CSMD3: variants seen among roughly 807,000 people sequenced by gnomAD.
CSMD3 encodes CUB and Sushi multiple domains 3.
Under a neutral mutation model 435.2 loss-of-function variants are expected in CSMD3, and 177 were observed. That is an observed-to-expected ratio of 0.41 (90% CI 0.36 to 0.46). The LOEUF (loss-of-function observed/expected upper bound fraction) is 0.46, where lower values mean the gene tolerates loss of function less well. CSMD3 is among the 20% of genes least tolerant of loss of function. The pLI is 0.34. For missense variants in CSMD3, 4,265 were observed against 4,504.6 expected (o/e 0.95, Z 1.52); for synonymous variants, 1,656 against 1,520.5 (o/e 1.09, Z -2.07).
intron 4 of CSMD3, among the ~76,000 whole-genome samples, chr8:113,103,335 T>C (rs1426401851): frequency 6.6e-6 from 1 of 152,152 alleles, no homozygotes; most frequent in African/African-American, 2.4e-5. Flanking sequence ...AGGAAAAGTA[T>C]AAAGTTTGTA....
chr8:113,302,712 C>A (rs920224979), intron 2 of CSMD3, among the ~76,000 whole-genome samples: 1 of 150,244 alleles, frequency 6.7e-6, no homozygotes, highest in African/African-American at 2.5e-5. Flanking sequence ...ATTCAACAAC[C>A]CTTCATGCTA....
chr8:112,783,389 C>T (rs939854096), intron 13 of CSMD3, among the ~76,000 whole-genome samples: 34 of 127,964 alleles, frequency 2.7e-4, no homozygotes, highest in African/African-American at 7.9e-4. Context: ...AGCACATAAA[C>T]GAAGGAAGGA....
At chr8:113,387,589 C>A (rs1353763653) in intron 1 of CSMD3, among the ~76,000 whole-genome samples, 1 of 151,204 alleles carries the variant, frequency 6.6e-6, no homozygotes, top group Non-Finnish European at 1.5e-5. Flanking sequence ...TTGGAGAGGA[C>A]CTCAAAATGC....
chr8:112,917,645 T>A (rs1008551587), intron 10 of CSMD3, among the ~76,000 whole-genome samples: 1 of 151,958 alleles, frequency 6.6e-6, no homozygotes, highest in African/African-American at 2.4e-5. Flanking sequence ...GAGACTTTAA[T>A]GGGATTAATC....
chr8:113,374,933 C>T (rs1054503680), intron 1 of CSMD3, among the ~76,000 whole-genome samples: 5 of 150,618 alleles, frequency 3.3e-5, no homozygotes, highest in Admixed American at 3.3e-4. Context: ...TGGCCAAGCA[C>T]TTATCATTGT....
At chr8:112,454,793 C>G (rs1246106116) in intron 32 of CSMD3, among the ~76,000 whole-genome samples, 2 of 152,004 alleles carry the variant, frequency 1.3e-5, no homozygotes, top group African/African-American at 4.8e-5. Flanking sequence ...GAATTTGAGA[C>G]TAGCCTGGGC....
intron 1 of CSMD3, among the ~76,000 whole-genome samples, chr8:113,359,270 T>C (rs1168239343): frequency 5.9e-5 from 9 of 152,184 alleles, no homozygotes; most frequent in Admixed American, 1.3e-4. Flanking sequence ...GTCATAACTC[T>C]CAGAAGTAGT....
At chr8:113,377,034 T>A in intron 1 of CSMD3, 1 of 105,978 alleles carries the variant, frequency 9.4e-6, no homozygotes. Context: ...GGGGTGGGGG[T>A]GGGGCGGAGC....
chr8:113,353,210 G>C (rs1012091661), intron 1 of CSMD3, among the ~76,000 whole-genome samples: 6 of 152,124 alleles, frequency 3.9e-5, no homozygotes, highest in African/African-American at 1.4e-4. Context: ...AAGGACATAG[G>C]AGGAGTAGAA....
intron 32 of CSMD3, among the ~76,000 whole-genome samples, chr8:112,421,868 G>A (rs1563926898): frequency 6.6e-6 from 1 of 151,700 alleles, no homozygotes; most frequent in Non-Finnish European, 1.5e-5. Flanking sequence ...TATATGTAAT[G>A]GACTGTGCAA....
At chr8:113,231,387 A>T (rs1297024933) in intron 3 of CSMD3, among the ~76,000 whole-genome samples, 2 of 151,446 alleles carry the variant, frequency 1.3e-5, no homozygotes, top group Non-Finnish European at 3.0e-5. Flanking sequence ...GAAGATAATA[A>T]TATAGGCATA....
chr8:113,108,758 G>A (rs1313235241), intron 4 of CSMD3, among the ~76,000 whole-genome samples: 2 of 152,030 alleles, frequency 1.3e-5, no homozygotes, highest in Non-Finnish European at 2.9e-5. Flanking sequence ...AGGAATGAAG[G>A]CACTAAGACA....
intron 19 of CSMD3, among the ~76,000 whole-genome samples, chr8:112,646,806 T>C (rs2074992436): frequency 6.6e-6 from 1 of 152,178 alleles, no homozygotes; most frequent in Non-Finnish European, 1.5e-5. Flanking sequence ...AATTTCATAG[T>C]AAATAGTGAA....
At chr8:113,124,096 T>C (rs1017648406) in intron 4 of CSMD3, among the ~76,000 whole-genome samples, 1 of 151,972 alleles carries the variant, frequency 6.6e-6, no homozygotes, top group Non-Finnish European at 1.5e-5. Flanking sequence ...ACGTGGTGGT[T>C]CATTCTTTCC....
At position 112,880,685 on chromosome 8, in the gene CSMD3, G is replaced by A. The variant is rs186806337; in HGVS notation, c.1634-21419C>T. Among the ~76,000 whole-genome samples, 81 of 152,100 alleles carry A rather than the reference G, an allele frequency of 5.3e-4. 2 individuals carry two copies. The East Asian group carries it at 0.013, about 24-fold the overall frequency. On this transcript the variant is annotated intron_variant, in intron 10 of 70. Coordinates refer to ENST00000297405, the MANE Select transcript of CSMD3 (RefSeq NM_198123.2). ...GGGATGTAAATAAATGCCTATTCAAGGGGGTCATATATGATAGGCTACTAC... is the reference window on the plus strand; with the variant it reads ...GGGATGTAAATAAATGCCTATTCAAAGGGGTCATATATGATAGGCTACTAC...
chr8:112,681,093 G>A lies in CSMD3; in HGVS notation c.2677+1349C>T, dbSNP rs549634409. Among the ~76,000 whole-genome samples the A allele has an allele frequency of 2.0e-3, 304 of 150,286 alleles. 1 individual carries two copies. Among genetic ancestry groups the A allele is most frequent in the South Asian group, 4.0e-3 (19 of 4,772 alleles). On this transcript the variant is annotated intron_variant, in intron 16 of 70. Transcript: ENST00000297405. ...CTCTATCACCAGGCTGGAGTGCAGT[G>A]GCGCGATCTCAGCTCACTGCAACCT...
chr8:112,933,301 T>C (rs1246158274), intron 9 of CSMD3, among the ~76,000 whole-genome samples: 3 of 152,196 alleles, frequency 2.0e-5, no homozygotes, highest in Non-Finnish European at 4.4e-5. Flanking sequence ...CCCCAAGCGT[T>C]CTATAATGGT....
intron 7 of CSMD3, among the ~76,000 whole-genome samples, chr8:112,972,220 G>C (rs1224446827): frequency 1.3e-5 from 2 of 151,728 alleles, no homozygotes; most frequent in African/African-American, 4.8e-5. Context: ...ACATAAAACT[G>C]AAAGTTTAAC....
chr8:112,433,565 T>A (rs1813958160), intron 32 of CSMD3, among the ~76,000 whole-genome samples: 1 of 144,628 alleles, frequency 6.9e-6, no homozygotes, highest in African/African-American at 2.5e-5. Context: ...GTTGAGGTAG[T>A]GGGATCACTT....
Sources: gnomAD v4.1 joint callset for allele counts (sites outside exome capture counted in the v4.1 genomes callset) on GRCh38, gnomAD v4.1.1 for gene constraint, MANE v1.5 for transcripts, NCBI Gene and HGNC (gene_info 2026-07-23, HGNC 2026-07-21) for gene names.